SPATA31H1: variants seen among roughly 807,000 people sequenced by gnomAD.
The protein encoded by SPATA31H1 is SPATA31 subfamily H member 1, also known as spermatogenesis-associated protein 31H1.
At chr2:27,579,832 A>T in the SPATA31H1 span, 1 of 1,614,172 alleles carries the variant, frequency 6.2e-7, no homozygotes. Context: ...CAGTTGCTAG[A>T]AGATCTGCAG....
the SPATA31H1 span, among the ~76,000 whole-genome samples, chr2:27,555,872 G>A: frequency 1.3e-5 from 2 of 151,750 alleles, no homozygotes; most frequent in Admixed American, 6.6e-5. Flanking sequence ...GGTGGCTCAC[G>A]CCTGTAATCC....
At chr2:27,546,589 G>A in the SPATA31H1 span, among the ~76,000 whole-genome samples, 10 of 152,004 alleles carry the variant, frequency 6.6e-5, 1 homozygote, top group African/African-American at 2.4e-4. Context: ...CTGAAGTGCA[G>A]TGGTGTGATT....
chr2:27,541,607 C>T, the SPATA31H1 span, among the ~76,000 whole-genome samples: 1 of 151,212 alleles, frequency 6.6e-6, no homozygotes, highest in African/African-American at 2.4e-5. Context: ...GTTTTTTAAA[C>T]GACATAGGCA....
At chr2:27,578,312 G>A in the SPATA31H1 span, 2 of 1,614,024 alleles carry the variant, frequency 1.2e-6, no homozygotes, top group Non-Finnish European at 1.7e-6. Context: ...TGGAAACAGT[G>A]GAGTTGACAG....
chr2:27,572,502 C>T, the SPATA31H1 span: 1 of 398,148 alleles, frequency 2.5e-6, no homozygotes, highest in Non-Finnish European at 4.4e-6. Flanking sequence ...AGGTGCAAAA[C>T]CTATGGAGTT....
the SPATA31H1 span, chr2:27,580,422 TC>T: frequency 6.2e-7 from 1 of 1,614,070 alleles, no homozygotes; most frequent in African/African-American, 1.3e-5. Context: ...CAAAAAGACC[TC>T]TGATTCAAAA....
chr2:27,567,899 A>C, the SPATA31H1 span: 2 of 398,932 alleles, frequency 5.0e-6, no homozygotes, highest in Non-Finnish European at 8.8e-6. Flanking sequence ...AATCACATTC[A>C]GAATTTGCGG....
the SPATA31H1 span, among the ~76,000 whole-genome samples, chr2:27,538,713 C>T: frequency 6.6e-6 from 1 of 151,970 alleles, no homozygotes; most frequent in Non-Finnish European, 1.5e-5. Context: ...CACCTGTAGT[C>T]TTAGCTACCG....
At chr2:27,538,043 A>C in the SPATA31H1 span, among the ~76,000 whole-genome samples, 4 of 152,100 alleles carry the variant, frequency 2.6e-5, no homozygotes, top group Admixed American at 2.6e-4. Context: ...TGGGAAAGGG[A>C]AGCGTATTGG....
chr2:27,569,797 G>A, the SPATA31H1 span: 2 of 398,670 alleles, frequency 5.0e-6, no homozygotes, highest in African/African-American at 4.1e-5. Flanking sequence ...TTAAATCTAG[G>A]CCCATCTCAG....
the SPATA31H1 span, chr2:27,537,636 C>T: frequency 1.4e-6 from 1 of 689,802 alleles, no homozygotes; most frequent in Non-Finnish European, 2.7e-6. Context: ...AACTGCCATA[C>T]TTTGGGCCAT....
chr2:27,551,384 C>T, the SPATA31H1 span, among the ~76,000 whole-genome samples: 1 of 152,030 alleles, frequency 6.6e-6, no homozygotes, highest in East Asian at 1.9e-4. Flanking sequence ...ATGAGAGACA[C>T]CCCTAACACA....
chr2:27,569,325 C>A, the SPATA31H1 span: 1 of 398,872 alleles, frequency 2.5e-6, no homozygotes, highest in South Asian at 1.3e-4. Flanking sequence ...GTCAGAGATA[C>A]CCCCCATGTC....
the SPATA31H1 span, chr2:27,573,744 C>A: frequency 2.5e-6 from 1 of 398,486 alleles, no homozygotes; most frequent in Non-Finnish European, 4.4e-6. Context: ...AGGAACACAG[C>A]TGCAAGATGT....
the SPATA31H1 span, among the ~76,000 whole-genome samples, chr2:27,555,649 G>A: frequency 2.0e-5 from 3 of 151,710 alleles, no homozygotes; most frequent in South Asian, 2.1e-4. Context: ...ACTGCAGTGC[G>A]GTGCAGTTTC....
chr2:27,577,129 C>T, the SPATA31H1 span: 1 of 1,614,036 alleles, frequency 6.2e-7, no homozygotes, highest in South Asian at 1.1e-5. The surrounding 1 kb of genome is among the most constrained non-coding windows in gnomAD (Gnocchi z 4.5). Context: ...CCAAAGCTAA[C>T]AGGTAGAGCT....
chr2:27,574,153 C>T, the SPATA31H1 span: 3 of 398,320 alleles, frequency 7.5e-6, no homozygotes, highest in East Asian at 3.6e-5. Context: ...GAGTCGATAC[C>T]GAAGACAAAG....
the SPATA31H1 span, among the ~76,000 whole-genome samples, chr2:27,549,668 T>C: frequency 6.6e-6 from 1 of 151,656 alleles, no homozygotes; most frequent in East Asian, 1.9e-4. Context: ...AAAATTAGTC[T>C]GGCATGATGG....
the SPATA31H1 span, chr2:27,573,870 T>G: frequency 2.5e-6 from 1 of 398,484 alleles, no homozygotes; most frequent in Non-Finnish European, 4.4e-6. Flanking sequence ...CTTACTACAC[T>G]TGAAAAGCAA....
Sources: allele counts gnomAD v4.1 joint callset (sites outside exome capture counted in the v4.1 genomes callset), GRCh38; gene constraint gnomAD v4.1.1; non-coding constraint Gnocchi (gnomAD v3.1); transcripts MANE v1.5; gene names NCBI Gene and HGNC (gene_info 2026-07-23, HGNC 2026-07-21).